The following ADARB2 variants were observed in gnomAD, a reference collection of about 807,000 sequenced individuals.
ADARB2 encodes inactive double-stranded RNA-specific editase B2.
In ADARB2, 25 loss-of-function variants were observed where a neutral mutation model predicts 62.2. That is an observed-to-expected ratio of 0.40 (90% CI 0.29 to 0.56). The LOEUF is 0.56. Among genes scored for constraint, ADARB2 ranks in the 20% least tolerant of loss-of-function variants. ADARB2 has a pLI of 0.43. For synonymous variants in ADARB2, 572 were observed against 500.8 expected, an observed-to-expected ratio of 1.14 and a Z score of -1.90; for missense variants, 1,071 against 1,077.4, an observed-to-expected ratio of 0.99 and a Z score of 0.08.
At chr10:1,199,940 A>C in intron 8 of ADARB2, 26 bp downstream of exon 8, 1 of 1,490,242 alleles carries the variant, frequency 6.7e-7, no homozygotes, top group Non-Finnish European at 8.9e-7. Context: ...AAGGAGGTGG[A>C]GGGCCCCCGG....
chr10:1,286,858 C>T (rs1020000532), intron 3 of ADARB2, among the ~76,000 whole-genome samples: 4 of 152,122 alleles, frequency 2.6e-5, no homozygotes, highest in Non-Finnish European at 4.4e-5. Context: ...GCCTGGTACC[C>T]GGCACTGTTA....
intron 6 of ADARB2, among the ~76,000 whole-genome samples, chr10:1,230,731 G>A (rs1045853519): frequency 1.3e-5 from 2 of 152,176 alleles, no homozygotes; most frequent in Admixed American, 1.3e-4. Flanking sequence ...ATGAGTCCCT[G>A]TTATAGGAGA....
intron 1 of ADARB2, among the ~76,000 whole-genome samples, chr10:1,507,033 C>A (rs1045719826): frequency 1.3e-5 from 2 of 152,198 alleles, no homozygotes; most frequent in African/African-American, 4.8e-5. Flanking sequence ...CACTCAGGGA[C>A]CAACGTCCAC....
chr10:1,358,473 C>T (rs749683801), intron 3 of ADARB2, among the ~76,000 whole-genome samples: 6 of 152,174 alleles, frequency 3.9e-5, no homozygotes, highest in Non-Finnish European at 8.8e-5. Context: ...AGACCCAAAC[C>T]CACAGTTCCC....
Position 1,346,321 on chromosome 10 carries a change from C to T in ADARB2, c.1077+16707G>A, listed in dbSNP as rs147332620. ...AGATGGGGCTTGAGATTGGGAATAACGAGTTCGTCTCTCACCAACCGCGAG... is the reference window on the plus strand; with the variant it reads ...AGATGGGGCTTGAGATTGGGAATAATGAGTTCGTCTCTCACCAACCGCGAG... On this transcript the variant is annotated intron_variant, in intron 3 of 9. Coordinates refer to ENST00000381312, the MANE Select transcript of ADARB2 (RefSeq NM_018702.4). Among the ~76,000 whole-genome samples the T allele has an allele frequency of 4.4e-3, 673 of 152,280 alleles. 4 individuals carry two copies. The highest frequency in any genetic ancestry group is 7.2e-3 in the Non-Finnish European group (492 of 68,028).
rs1439989206 is a variant in ADARB2, at chr10:1,178,755, CA to C, written c.*4437del. 1 of 152,212 alleles carries C rather than the reference CA, an allele frequency of 6.6e-6. No homozygotes were observed. Among genetic ancestry groups the C allele is most frequent in the Non-Finnish European group, 1.5e-5 (1 of 68,044 alleles). The allele number at this position is 152,212 out of a possible 1,614,324, so 9.4% of individuals were successfully genotyped here. A position where few individuals can be genotyped will look rare whatever the true frequency, so the allele number is the denominator to read the frequency against. ...GCTCTGCAAAAACTGCAGGCGAGGA[CA>C]GGCTTTGGAGGTATGTGGGATGGCG... On this transcript the variant is annotated 3_prime_UTR_variant, in exon 10 of 10. Transcript: ENST00000381312.
chr10:1,595,222 T>TA (rs1833316644), intron 1 of ADARB2, among the ~76,000 whole-genome samples: 1 of 152,196 alleles, frequency 6.6e-6, no homozygotes, highest in African/African-American at 2.4e-5. Context: ...CAGAAAAAGA[T>TA]AAAAACTTTG....
intron 1 of ADARB2, among the ~76,000 whole-genome samples, chr10:1,736,770 C>T (rs1020318992): frequency 6.6e-6 from 1 of 152,222 alleles, no homozygotes; most frequent in Non-Finnish European, 1.5e-5. Context: ...CCCGGAGACG[C>T]GCGGGGTCCC....
intron 1 of ADARB2, among the ~76,000 whole-genome samples, chr10:1,465,222 G>T (rs1457728995): frequency 1.3e-5 from 2 of 152,198 alleles, no homozygotes; most frequent in African/African-American, 2.4e-5. Context: ...AGAGGCTGGG[G>T]TGGGAACAGG....
At chr10:1,310,494 AC>A (rs368424836) in intron 3 of ADARB2, among the ~76,000 whole-genome samples, 5 of 152,354 alleles carry the variant, frequency 3.3e-5, no homozygotes, top group African/African-American at 1.2e-4. Context: ...ATCTAAACCT[AC>A]TTTCTAAGCC....
chr10:1,222,243 C>G (rs537524178), intron 6 of ADARB2, among the ~76,000 whole-genome samples: 1 of 152,118 alleles, frequency 6.6e-6, no homozygotes, highest in Non-Finnish European at 1.5e-5. Flanking sequence ...TCATATCCTT[C>G]GCCCACTTTT....
intron 3 of ADARB2, among the ~76,000 whole-genome samples, chr10:1,315,333 C>T (rs1181439689): frequency 6.6e-6 from 1 of 152,206 alleles, no homozygotes; most frequent in African/African-American, 2.4e-5. Flanking sequence ...AAGGTTTCCG[C>T]CTTCATTGAT....
chr10:1,703,292 G>A (rs1834846805), intron 1 of ADARB2, among the ~76,000 whole-genome samples: 1 of 152,174 alleles, frequency 6.6e-6, no homozygotes, highest in Non-Finnish European at 1.5e-5. Context: ...AACACCTGAT[G>A]AGGAGGGTGA....
At chr10:1,607,722 C>T (rs1039556523) in intron 1 of ADARB2, among the ~76,000 whole-genome samples, 10 of 152,208 alleles carry the variant, frequency 6.6e-5, no homozygotes, top group Admixed American at 3.3e-4. Flanking sequence ...AGGCAGGGGA[C>T]GTCACACGGC....
chr10:1,303,193 A>G lies in ADARB2; in HGVS notation c.1078-32124T>C, dbSNP rs1296244481. On this transcript the variant is annotated intron_variant, in intron 3 of 9. Coordinates refer to ENST00000381312, the MANE Select transcript of ADARB2 (RefSeq NM_018702.4). ...CAGAGAAGTGCTTAAAGGAGCTGATAGAGCTGAAAACCAAGGCTCGAGAAC... is the reference window on the plus strand; with the variant it reads ...CAGAGAAGTGCTTAAAGGAGCTGATGGAGCTGAAAACCAAGGCTCGAGAAC... Among the ~76,000 whole-genome samples, 20 of 152,260 alleles carry G rather than the reference A, an allele frequency of 1.3e-4. 1 individual carries two copies. The highest frequency in any genetic ancestry group is 4.3e-4 in the African/African-American group (18 of 41,580).
At chr10:1,439,242 A>G (rs11250514) in intron 1 of ADARB2, among the ~76,000 whole-genome samples, 165 of 72,604 alleles carry the variant, frequency 2.3e-3, no homozygotes, top group African/African-American at 5.1e-3. Context: ...ATGGAGGCAG[A>G]CTCTTCATGA....
chr10:1,403,053 T>G (rs2131873328), intron 1 of ADARB2, among the ~76,000 whole-genome samples: 1 of 152,294 alleles, frequency 6.6e-6, no homozygotes, highest in Admixed American at 6.5e-5. Flanking sequence ...CGCCTGGAGC[T>G]CTGCTGGGTC....
chr10:1,256,808 TA>T (rs1831083591), intron 4 of ADARB2, among the ~76,000 whole-genome samples: 3 of 152,158 alleles, frequency 2.0e-5, no homozygotes, highest in East Asian at 1.9e-4. Context: ...ATTAAAAGTC[TA>T]TTTATCTCCT....
intron 1 of ADARB2, among the ~76,000 whole-genome samples, chr10:1,732,306 T>C (rs1835243595): frequency 1.0e-5 from 1 of 100,338 alleles, no homozygotes; most frequent in African/African-American, 3.9e-5. Context: ...AGTTATCTTT[T>C]CATGCCTCAA....
Sources: gnomAD v4.1 joint callset for allele counts (sites outside exome capture counted in the v4.1 genomes callset) on GRCh38, gnomAD v4.1.1 for gene constraint, MANE v1.5 for transcripts, NCBI Gene and HGNC (gene_info 2026-07-23, HGNC 2026-07-21) for gene names.